Variants in SSBP3 observed in about 807,000 individuals in gnomAD.
SSBP3 encodes single stranded DNA binding protein 3.
SSBP3 carries 5 observed loss-of-function variants against 69.6 expected under a neutral mutation model. The ratio of observed to expected loss-of-function variants is 0.07; its 90% CI spans 0.04 to 0.15. SSBP3 has a LOEUF of 0.15. SSBP3 is among the 10% of genes least tolerant of loss of function. The probability of loss-of-function intolerance (pLI) is 1.00; values close to 1 mark genes in which losing one functional copy is unlikely to be tolerated. For synonymous variants in SSBP3, 196 were observed against 193.4 expected, an observed-to-expected ratio of 1.01 and a Z score of -0.11; for missense variants, 312 against 534.0, an observed-to-expected ratio of 0.58 and a Z score of 4.10.
chr1:54,341,852 G>GGA (rs1381035425), intron 4 of SSBP3, among the ~76,000 whole-genome samples: 1 of 150,240 alleles, frequency 6.7e-6, no homozygotes, highest in Non-Finnish European at 1.5e-5. Context: ...TGGAGAGCAG[G>GGA]GAGAGAGAGA....
chr1:54,240,301 T>C (rs1644607586), intron 13 of SSBP3, among the ~76,000 whole-genome samples: 1 of 149,212 alleles, frequency 6.7e-6, no homozygotes, highest in Non-Finnish European at 1.5e-5. Flanking sequence ...CTACTAAAAA[T>C]ACAAAAATTA....
intron 4 of SSBP3, among the ~76,000 whole-genome samples, chr1:54,363,515 A>G (rs1468229524): frequency 6.6e-6 from 1 of 152,160 alleles, no homozygotes; most frequent in East Asian, 1.9e-4. Context: ...TTTACCCTTC[A>G]TTTATACTCT....
intron 4 of SSBP3, among the ~76,000 whole-genome samples, chr1:54,312,526 T>A (rs1646022120): frequency 6.6e-6 from 1 of 151,904 alleles, no homozygotes; most frequent in South Asian, 2.1e-4. Context: ...AGGCAGAGGT[T>A]GCAGTGAGCT....
intron 4 of SSBP3, among the ~76,000 whole-genome samples, chr1:54,340,793 T>C (rs1306951271): frequency 6.6e-6 from 1 of 152,166 alleles, no homozygotes; most frequent in Middle Eastern, 3.2e-3. Flanking sequence ...GACACTCCCA[T>C]ACCAGCCCAG....
At chr1:54,293,831 A>T (rs1448250329) in intron 4 of SSBP3, among the ~76,000 whole-genome samples, 2 of 152,238 alleles carry the variant, frequency 1.3e-5, no homozygotes, top group Non-Finnish European at 2.9e-5. Flanking sequence ...GATAAATAAA[A>T]TTCTTGCAGA....
chr1:54,348,152 G>T (rs1239095378), intron 4 of SSBP3, among the ~76,000 whole-genome samples: 1 of 147,766 alleles, frequency 6.8e-6, no homozygotes, highest in African/African-American at 2.5e-5. Context: ...CATCTTTATC[G>T]GGTGGCGGAC....
chr1:54,366,033 C>T (rs1477306223), intron 4 of SSBP3, among the ~76,000 whole-genome samples: 1 of 152,190 alleles, frequency 6.6e-6, no homozygotes, highest in Non-Finnish European at 1.5e-5. Context: ...AGAACACTGC[C>T]TGGCACAAAG....
rs76371944 is a variant in SSBP3 at position 54,281,296 on chromosome 1, G to C, written c.366+142C>G. On this transcript the variant is annotated intron_variant, in intron 5 of 17. Coordinates refer to ENST00000610401, the Ensembl canonical transcript of SSBP3. The stretch of plus-strand genomic sequence containing the variant: ...AAGGACTGTTGAAAGGGATGGGAAG[G>C]GAAGGATTTGAACCAGCATAAAGCA... 631 of 657,590 alleles carry C rather than the reference G, an allele frequency of 9.6e-4. No individual in the cohort carries two copies. In the African/African-American group the frequency reaches 0.011, roughly 11 times the overall value. 40.7% of individuals were successfully genotyped at this position (657,590 alleles called of 1,614,324 possible).
At chr1:54,368,040 AC>A (rs1455701732) in intron 4 of SSBP3, among the ~76,000 whole-genome samples, 4 of 152,142 alleles carry the variant, frequency 2.6e-5, no homozygotes, top group African/African-American at 9.7e-5. Flanking sequence ...AGTGGCTCAC[AC>A]CTGTAATCCC....
At chr1:54,244,633 G>T (rs562124987) in intron 9 of SSBP3, among the ~76,000 whole-genome samples, 4 of 152,336 alleles carry the variant, frequency 2.6e-5, no homozygotes, top group African/African-American at 7.2e-5. Context: ...GCACAGCGGG[G>T]TGGGTCAAGG....
rs1190004286 is a variant in SSBP3 at position 54,251,878 on chromosome 1, C to T, written c.508-18G>A. On this transcript the variant is annotated intron_variant, in intron 7 of 17. Transcript: ENST00000610401. ...CCCGGAGGCTGAAAGAGATGCAAGA[C>T]ACAAGCTGAGGAGCTGCTCCGGAGC... 1.1e-5 allele frequency: 17 copies of T among 1,609,674 alleles called. No individual in the cohort carries two copies. The highest frequency in any genetic ancestry group is 1.4e-5 in the Non-Finnish European group (17 of 1,178,516).
intron 3 of SSBP3, among the ~76,000 whole-genome samples, chr1:54,402,377 A>G (rs1649372301): frequency 6.6e-6 from 1 of 152,166 alleles, no homozygotes; most frequent in Admixed American, 6.5e-5. Context: ...CCAAACCAAA[A>G]TGGCTGCATA....
At chr1:54,241,439 G>C (rs1233836881) in intron 12 of SSBP3, 35 bp downstream of exon 12, 2 of 1,612,356 alleles carry the variant, frequency 1.2e-6, no homozygotes, top group Non-Finnish European at 1.7e-6. Flanking sequence ...GTCCCACGTG[G>C]CTAGACATGC....
chr1:54,342,459 A>T (rs760986991), intron 4 of SSBP3, among the ~76,000 whole-genome samples: 1 of 152,222 alleles, frequency 6.6e-6, no homozygotes, highest in Non-Finnish European at 1.5e-5. Context: ...GGGTGGGGCC[A>T]GGGCAGGTGT....
intron 6 of SSBP3, among the ~76,000 whole-genome samples, chr1:54,257,504 C>CA (rs1340292526): frequency 2.0e-5 from 3 of 152,086 alleles, no homozygotes; most frequent in Admixed American, 6.6e-5. Context: ...CCTCTGCTCT[C>CA]GGTAAGGGCA....
intron 17 of SSBP3, 72 bp from the exon 18 acceptor site, chr1:54,227,232 G>C: frequency 1.1e-6 from 1 of 904,998 alleles, no homozygotes; most frequent in Non-Finnish European, 1.8e-6. Flanking sequence ...CAGGTGCCAA[G>C]AGCCTGGGGT....
chr1:54,402,614 G>C (rs1305074023), intron 3 of SSBP3, among the ~76,000 whole-genome samples: 1 of 146,840 alleles, frequency 6.8e-6, no homozygotes, highest in African/African-American at 2.5e-5. Flanking sequence ...GTTAGGCAAA[G>C]GACAGGTCAT....
intron 5 of SSBP3, among the ~76,000 whole-genome samples, chr1:54,261,033 C>A (rs1439275542): frequency 1.3e-5 from 2 of 152,230 alleles, no homozygotes; most frequent in Non-Finnish European, 2.9e-5. Context: ...TCCCAACGGG[C>A]CACCCACGTC....
chr1:54,404,849 C>G lies in SSBP3; in HGVS notation c.129+9G>C. 2.5e-6 allele frequency: 4 copies of G among 1,589,424 alleles called. No homozygotes were observed. Among genetic ancestry groups the G allele is most frequent in the South Asian group, 1.1e-5 (1 of 90,490 alleles). On this transcript the variant is annotated intron_variant, in intron 2 of 17. Coordinates refer to ENST00000610401, the Ensembl canonical transcript of SSBP3. ...CAAGAAATTGGATGCTGGGGGGAGT[C>G]CCACTCACCTCCGATAAGAAGGTCT... is the stretch of plus-strand genomic sequence containing the variant.
Sources: allele counts gnomAD v4.1 joint callset (sites outside exome capture counted in the v4.1 genomes callset), GRCh38; gene constraint gnomAD v4.1.1; transcripts MANE v1.5; gene names NCBI Gene and HGNC (gene_info 2026-07-23, HGNC 2026-07-21).